The following WBP2NL variants were observed in gnomAD, a reference collection of about 807,000 sequenced individuals.
WBP2NL encodes postacrosomal sheath WW domain-binding protein.
Under a neutral mutation model 23.3 loss-of-function variants are expected in WBP2NL, and 27 were observed. That is an observed-to-expected ratio of 1.16 (90% confidence interval 0.85 to 1.60). WBP2NL has a LOEUF of 1.60. Ranked by LOEUF, WBP2NL falls within the 40% of genes most tolerant of loss-of-function variation. WBP2NL has a pLI of 0.00. For synonymous variants in WBP2NL, 151 were observed against 145.9 expected (o/e 1.03, Z -0.25); for missense variants, 370 against 389.5 (o/e 0.95, Z 0.42).
At chr22:42,039,629 T>C (rs1470522420) in intron 8 of WBP2NL, among the ~76,000 whole-genome samples, 2 of 152,178 alleles carry the variant, frequency 1.3e-5, no homozygotes, top group Non-Finnish European at 2.9e-5. Context: ...TTCCATTTAT[T>C]GGCATATAGG....
chr22:42,025,208 T>C (rs1056074957), intron 5 of WBP2NL, among the ~76,000 whole-genome samples: 14 of 152,254 alleles, frequency 9.2e-5, no homozygotes, highest in Non-Finnish European at 2.9e-5. Flanking sequence ...TCCAATGTCA[T>C]GAAGATTTAT....
intron 8 of WBP2NL, among the ~76,000 whole-genome samples, chr22:42,054,370 T>C (rs533486162): frequency 6.6e-6 from 1 of 151,614 alleles, no homozygotes; most frequent in Non-Finnish European, 1.5e-5. Context: ...TTTGTATTTT[T>C]AGTAGAGATA....
chr22:42,024,279 C>T (rs139332446), intron 5 of WBP2NL, among the ~76,000 whole-genome samples: 6 of 152,294 alleles, frequency 3.9e-5, no homozygotes, highest in East Asian at 3.9e-4. Context: ...TTGGCTATTA[C>T]GAATACTAGC....
intron 8 of WBP2NL, among the ~76,000 whole-genome samples, chr22:42,042,545 T>G (rs556953545): frequency 6.6e-6 from 1 of 152,228 alleles, no homozygotes; most frequent in African/African-American, 2.4e-5. Flanking sequence ...CATTTCATTC[T>G]TGTATTCTTT....
intron 1 of WBP2NL, among the ~76,000 whole-genome samples, chr22:42,018,947 G>C (rs562695596): frequency 6.6e-6 from 1 of 151,400 alleles, no homozygotes; most frequent in South Asian, 2.1e-4. Flanking sequence ...ATTAAGGGCC[G>C]GGCACGGTGG....
intron 1 of WBP2NL, 140 bp from the exon 2 acceptor site, chr22:42,019,171 A>G (rs1923633755): frequency 1.5e-6 from 1 of 661,760 alleles, no homozygotes; most frequent in Non-Finnish European, 2.5e-6. Context: ...CAGTGAGGTG[A>G]AATCGTGCCA....
At chr22:42,057,868 TG>T in intron 8 of WBP2NL, among the ~76,000 whole-genome samples, 1 of 55,822 alleles carries the variant, frequency 1.8e-5, no homozygotes, top group Non-Finnish European at 3.4e-5. Flanking sequence ...TGTGTGTGTA[TG>T]TATATATATA....
chr22:42,005,659 T>C lies in WBP2NL; in HGVS notation c.62+6779T>C, dbSNP rs935251537. Among the ~76,000 whole-genome samples, 60 of 152,320 alleles carry C rather than the reference T, an allele frequency of 3.9e-4. 1 individual carries two copies. Among genetic ancestry groups the C allele is most frequent in the Admixed American group, 3.9e-3 (59 of 15,296 alleles). ...GAAACAATAACCAATACAGTACACA[T>C]ATCATTTGGTTCAGTTTACAGAATT... On this transcript the variant is annotated intron_variant, in intron 1 of 5. Coordinates refer to ENST00000328823, the MANE Select transcript of WBP2NL (RefSeq NM_152613.3).
At chr22:42,032,398 G>A, downstream of WBP2NL, 1 of 163,560 alleles carries the variant, frequency 6.1e-6, no homozygotes, top group Non-Finnish European at 1.3e-5. Flanking sequence ...TCCAGATTCT[G>A]CCCTCTCAGC....
At position 42,048,107 on chromosome 22, in the gene WBP2NL, T is replaced by C. The variant is rs1311854083; in HGVS notation, c.*274-10183T>C. Among the ~76,000 whole-genome samples the C allele has an allele frequency of 2.0e-5, 3 of 151,972 alleles. No homozygotes were observed. In the East Asian group the frequency reaches 5.8e-4, roughly 29 times the overall value. ...GTTTCAACATTTGAAATTAATATAA[T>C]CCATCACATCAACAATCTAAAGAAG... On this transcript the variant is annotated intron_variant and NMD_transcript_variant, in intron 8 of 8. Coordinates refer to the WBP2NL transcript ENST00000436265.
At chr22:42,020,207 G>A in intron 4 of WBP2NL, 111 bp downstream of exon 4, 4 of 1,112,604 alleles carry the variant, frequency 3.6e-6, no homozygotes, top group Non-Finnish European at 5.1e-6. Context: ...TTGAGACAGG[G>A]ATTTTTGTAT....
intron 4 of WBP2NL, among the ~76,000 whole-genome samples, chr22:42,021,779 T>C (rs138003275): frequency 7.3e-6 from 1 of 136,938 alleles, no homozygotes; most frequent in Non-Finnish European, 1.5e-5. Context: ...CATATTTCTT[T>C]TCTTTCTTTC....
chr22:42,012,720 C>T (rs1602448842), intron 1 of WBP2NL, among the ~76,000 whole-genome samples: 1 of 151,944 alleles, frequency 6.6e-6, no homozygotes, highest in South Asian at 2.1e-4. Flanking sequence ...GGGCTGGGCA[C>T]GGTGGCTCTC....
At chr22:42,051,834 A>G (rs1925847089) in intron 8 of WBP2NL, among the ~76,000 whole-genome samples, 1 of 152,230 alleles carries the variant, frequency 6.6e-6, no homozygotes. Context: ...AGTGCTTTAC[A>G]TAAATTAGCT....
chr22:42,027,856 C>T lies in WBP2NL; in HGVS notation c.*675C>T. ...TCAGAATACGTGAATAACTACAAATCAATTCTCCCCAAAATGACAGAAATA... is the reference window on the plus strand; with the variant it reads ...TCAGAATACGTGAATAACTACAAATTAATTCTCCCCAAAATGACAGAAATA... On this transcript the variant is annotated 3_prime_UTR_variant, in exon 6 of 6. Transcript: ENST00000328823. 1.0e-5 allele frequency: 4 copies of T among 397,766 alleles called. No individual in the cohort carries two copies. The East Asian group carries it at 1.4e-4, about 14-fold the overall frequency. The allele number at this position is 397,766 out of a possible 1,614,324, so 24.6% of individuals were successfully genotyped here.
In WBP2NL at chr22:42,027,209, C is replaced by A. The variant is rs1348718933; in HGVS notation, c.*28C>A. On this transcript the variant is annotated 3_prime_UTR_variant, in exon 6 of 6. Transcript: ENST00000328823. ...TTCTAAGATGTAAACCTTGAAGACT[C>A]ACCAAGCAAAGAGGTACCCTAAAAT... is the stretch of plus-strand genomic sequence containing the variant. 6.4e-7 allele frequency: 1 copy of A among 1,570,308 alleles called. No individual in the cohort carries two copies. The highest frequency in any genetic ancestry group is 2.0e-5 in the Admixed American group (1 of 50,996).
intron 1 of WBP2NL, among the ~76,000 whole-genome samples, chr22:42,006,713 A>G (rs1922287749): frequency 6.6e-6 from 1 of 152,202 alleles, no homozygotes; most frequent in Non-Finnish European, 1.5e-5. Context: ...TTATGTTGAG[A>G]AATAAGGTTT....
chr22:42,001,902 G>C, intron 1 of WBP2NL: 1 of 1,441,860 alleles, frequency 6.9e-7, no homozygotes, highest in Non-Finnish European at 9.2e-7. Flanking sequence ...CGCCATCTTG[G>C]AGATGGCTGC....
intron 1 of WBP2NL, among the ~76,000 whole-genome samples, chr22:42,000,009 A>G (rs1035472543): frequency 6.6e-6 from 1 of 151,978 alleles, no homozygotes; most frequent in South Asian, 2.1e-4. Context: ...CCCGTTTCCT[A>G]CACTCAAACT....
Sources: gnomAD v4.1 joint callset for allele counts (sites outside exome capture counted in the v4.1 genomes callset) on GRCh38, gnomAD v4.1.1 for gene constraint, MANE v1.5 for transcripts, NCBI Gene and HGNC (gene_info 2026-07-23, HGNC 2026-07-21) for gene names.